Variants in NELL1 observed in about 807,000 individuals in gnomAD.
NELL1 encodes protein kinase C-binding protein NELL1.
In NELL1, 76 loss-of-function variants were observed where a neutral mutation model predicts 107.4. The observed-to-expected ratio is 0.71, with a 90% CI of 0.59 to 0.86. The LOEUF (loss-of-function observed/expected upper bound fraction) is 0.86, where lower values mean the gene tolerates loss of function less well. NELL1 is among the 40% of genes least tolerant of loss of function. NELL1 has a pLI of 0.00. For missense variants in NELL1, 1,024 were observed against 1,005.5 expected (o/e 1.02, Z -0.25); for synonymous variants, 353 against 341.2 (o/e 1.03, Z -0.38).
chr11:20,745,669 T>A (rs1855986946), intron 2 of NELL1, among the ~76,000 whole-genome samples: 1 of 152,200 alleles, frequency 6.6e-6, no homozygotes, highest in Non-Finnish European at 1.5e-5. Flanking sequence ...CATTTACTCA[T>A]GCAATTAATA....
intron 13 of NELL1, among the ~76,000 whole-genome samples, chr11:21,159,474 C>T (rs1856314775): frequency 1.3e-5 from 2 of 152,178 alleles, no homozygotes; most frequent in Admixed American, 1.3e-4. Flanking sequence ...TGAATACTTG[C>T]CACTGTGCAT....
intron 15 of NELL1, among the ~76,000 whole-genome samples, chr11:21,384,605 C>T (rs940847737): frequency 6.6e-6 from 1 of 151,952 alleles, no homozygotes; most frequent in African/African-American, 2.4e-5. Context: ...CCTCTCCCCA[C>T]CCCACAACAG....
At position 21,369,195 on chromosome 11, in the gene NELL1, C is replaced by T. The variant is rs531869225; in HGVS notation, c.1550-1658C>T. Reference sequence around the variant, plus strand: ...GCTACTTAAAACTTTTTCTTACTGGCTTTCCATCTGTTATTTTTAGCTTGC... The same window carrying T: ...GCTACTTAAAACTTTTTCTTACTGGTTTTCCATCTGTTATTTTTAGCTTGC... On this transcript the variant is annotated intron_variant, in intron 14 of 19. Coordinates refer to ENST00000357134, the MANE Select transcript of NELL1 (RefSeq NM_006157.5). Among the ~76,000 whole-genome samples, 47 of 151,984 alleles carry T rather than the reference C, an allele frequency of 3.1e-4. 1 individual carries two copies. The highest frequency in any genetic ancestry group is 6.2e-4 in the Non-Finnish European group (42 of 67,972).
chr11:21,038,075 C>G (rs1853139378), intron 12 of NELL1, among the ~76,000 whole-genome samples: 1 of 152,158 alleles, frequency 6.6e-6, no homozygotes, highest in African/African-American at 2.4e-5. Context: ...GTATTGGCAA[C>G]TGAATGCTGT....
intron 14 of NELL1, among the ~76,000 whole-genome samples, chr11:21,239,595 A>G (rs2133896073): frequency 6.6e-6 from 1 of 152,190 alleles, no homozygotes; most frequent in South Asian, 2.1e-4. Context: ...TTTTAGCCAT[A>G]AATAAACTCA....
intron 2 of NELL1, among the ~76,000 whole-genome samples, chr11:20,686,648 C>T (rs191187691): frequency 1.5e-3 from 224 of 152,258 alleles, no homozygotes; most frequent in African/African-American, 5.1e-3. Flanking sequence ...CATTTGGCCA[C>T]TGTGGCTGAA....
chr11:21,335,091 A>G lies in NELL1; in HGVS notation c.1550-35762A>G, dbSNP rs139353319. Among the ~76,000 whole-genome samples, 412 of 152,138 alleles carry G rather than the reference A, an allele frequency of 2.7e-3. 7 individuals carry two copies. The highest frequency in any genetic ancestry group is 3.7e-4 in the Non-Finnish European group (25 of 67,918). On this transcript the variant is annotated intron_variant, in intron 14 of 19. Transcript: ENST00000357134. ...AAATTCAATTAAGGAAAAAAAGACC[A>G]CTTATTACCCTTTAAAACTCATAAT... is the stretch of plus-strand genomic sequence containing the variant.
intron 2 of NELL1, among the ~76,000 whole-genome samples, chr11:20,781,161 G>T (rs563039063): frequency 1.6e-4 from 24 of 152,296 alleles, no homozygotes; most frequent in African/African-American, 5.8e-4. Context: ...GGAAGAAGTG[G>T]ACAGATTCCA....
At chr11:20,740,750 A>G (rs189661970) in intron 2 of NELL1, among the ~76,000 whole-genome samples, 8 of 152,298 alleles carry the variant, frequency 5.3e-5, no homozygotes, top group Admixed American at 5.2e-4. Flanking sequence ...ATTCAAATCT[A>G]CTTTTTCTAA....
intron 5 of NELL1, among the ~76,000 whole-genome samples, chr11:20,908,187 G>T (rs1197968808): frequency 6.6e-6 from 1 of 152,044 alleles, no homozygotes; most frequent in East Asian, 1.9e-4. Flanking sequence ...TTTGACCCAG[G>T]AATCCCATTG....
chr11:21,483,607 T>A (rs1336986524), intron 15 of NELL1, among the ~76,000 whole-genome samples: 1 of 152,024 alleles, frequency 6.6e-6, no homozygotes, highest in Non-Finnish European at 1.5e-5. Flanking sequence ...TGAAAATCTT[T>A]ACACCTTTGG....
rs538899093 is a variant in NELL1 at position 21,374,320 on chromosome 11, T to C, written c.1645+3372T>C. ...AAGATGTTGACTGGGCCAGTGATTG[T>C]CTGAAGGTTGGGGAGTCTGTTTCCA... On this transcript the variant is annotated intron_variant, in intron 15 of 19. Coordinates refer to ENST00000357134, the MANE Select transcript of NELL1 (RefSeq NM_006157.5). 2.0e-5 allele frequency among the ~76,000 whole-genome samples: 3 copies of C among 152,192 alleles called. No individual in the cohort carries two copies. In the South Asian group the frequency reaches 6.2e-4, roughly 32 times the overall value.
At chr11:21,195,845 C>T (rs77101028) in intron 13 of NELL1, among the ~76,000 whole-genome samples, 9,847 of 152,102 alleles carry the variant, frequency 0.065, 295 homozygotes, top group East Asian at 0.14. Context: ...GGCCGAGCAC[C>T]GAAGCAAGGG....
chr11:20,995,584 A>G (rs200934127), intron 12 of NELL1, among the ~76,000 whole-genome samples: 1 of 151,944 alleles, frequency 6.6e-6, no homozygotes, highest in Non-Finnish European at 1.5e-5. Context: ...TTAAAAAAAA[A>G]AATCAGCGTC....
chr11:21,534,661 T>G (rs890631795), intron 16 of NELL1, 147 bp downstream of exon 16: 2 of 847,620 alleles, frequency 2.4e-6, no homozygotes, highest in African/African-American at 3.4e-5. Context: ...CCTCTACAAT[T>G]CAGGGATTAG....
intron 14 of NELL1, among the ~76,000 whole-genome samples, chr11:21,310,291 A>G (rs926726996): frequency 6.6e-6 from 1 of 152,032 alleles, no homozygotes. Flanking sequence ...ATTGACTATC[A>G]CTGTGATTAA....
chr11:20,955,632 T>G (rs909639035), intron 11 of NELL1, among the ~76,000 whole-genome samples: 1 of 152,220 alleles, frequency 6.6e-6, no homozygotes, highest in Non-Finnish European at 1.5e-5. Context: ...TATAAGGAAC[T>G]GTTTCAAGTG....
intron 14 of NELL1, among the ~76,000 whole-genome samples, chr11:21,243,760 G>A (rs1590766455): frequency 6.6e-6 from 1 of 152,012 alleles, no homozygotes; most frequent in African/African-American, 2.4e-5. Context: ...TCAGACTAGC[G>A]ACATTTCAAG....
chr11:21,013,270 C>G (rs1442052763), intron 12 of NELL1, among the ~76,000 whole-genome samples: 1 of 152,120 alleles, frequency 6.6e-6, no homozygotes, highest in Admixed American at 6.5e-5. Flanking sequence ...CTTTGGCCAC[C>G]CGCTGGGACC....
Sources: allele counts gnomAD v4.1 joint callset (sites outside exome capture counted in the v4.1 genomes callset), GRCh38; gene constraint gnomAD v4.1.1; transcripts MANE v1.5; gene names NCBI Gene and HGNC (gene_info 2026-07-23, HGNC 2026-07-21).